The following FBH1 variants were observed in gnomAD, a reference collection of about 807,000 sequenced individuals.
FBH1 encodes F-box DNA helicase 1.
A neutral mutation model predicts 115.5 loss-of-function variants in FBH1; 43 were observed. The ratio of observed to expected loss-of-function variants is 0.37; its 90% CI spans 0.29 to 0.48. The LOEUF (loss-of-function observed/expected upper bound fraction) is 0.48. Ranked by LOEUF, FBH1 falls within the 20% of genes least tolerant of loss-of-function variation. FBH1 has a pLI of 0.99. For synonymous variants in FBH1, 524 were observed against 507.8 expected (o/e 1.03, Z -0.43); for missense variants, 1,001 against 1,337.3 (o/e 0.75, Z 3.92).
In FBH1 at chr10:5,936,331, G is replaced by A. The variant is rs547950479; in HGVS notation, c.2830-125G>A. On this transcript the variant is annotated intron_variant, in intron 19 of 20. Coordinates refer to ENST00000362091, the MANE Select transcript of FBH1 (RefSeq NM_178150.3). The surrounding 1 kb of genome is among the most constrained non-coding windows in gnomAD (Gnocchi z 5.6). ...GAAGTAAGGGAGAACGGGTTAGGCGGGGTTTTTCTCTCTGGGACTTACAGT... is the reference window on the plus strand; with the variant it reads ...GAAGTAAGGGAGAACGGGTTAGGCGAGGTTTTTCTCTCTGGGACTTACAGT... The A allele has an allele frequency of 3.8e-5, 41 of 1,088,760 alleles. No homozygotes were observed. In the South Asian group the frequency reaches 5.7e-4, roughly 15 times the overall value. The allele number at this position is 1,088,760 out of a possible 1,614,324, so 67.4% of individuals were successfully genotyped here.
chr10:5,925,267 A>C lies in FBH1; in HGVS notation c.2597-100A>C. 1 of 1,455,142 alleles carries C rather than the reference A, an allele frequency of 6.9e-7. No individual in the cohort carries two copies. Among genetic ancestry groups the C allele is most frequent in the South Asian group, 1.3e-5 (1 of 76,340 alleles). The allele number at this position is 1,455,142 out of a possible 1,614,324, so 90.1% of individuals were successfully genotyped here. ...CTACAAAACTGCACTGAGGCAAGAA[A>C]TGTTCGAGTTCAGAGTCAAGTGGGA... On this transcript the variant is annotated intron_variant, in intron 17 of 20. Coordinates refer to ENST00000362091, the MANE Select transcript of FBH1 (RefSeq NM_178150.3). This position sits in a 1 kb window ranked among gnomAD's most constrained non-coding sequence, Gnocchi z 4.6.
chr10:5,899,857 TTTG>T (rs1007608008), intron 1 of FBH1, among the ~76,000 whole-genome samples: 4 of 152,382 alleles, frequency 2.6e-5, no homozygotes, highest in Admixed American at 2.6e-4. Flanking sequence ...ACAACAAGAC[TTTG>T]TTTTCTTTCC....
At chr10:5,919,704 C>T (rs962026149) in intron 13 of FBH1, among the ~76,000 whole-genome samples, 2 of 152,196 alleles carry the variant, frequency 1.3e-5, no homozygotes, top group Non-Finnish European at 2.9e-5. Flanking sequence ...AAAGTATCAA[C>T]TGTGCTGTGT....
intron 19 of FBH1, chr10:5,929,986 G>A (rs1262568695): frequency 6.6e-6 from 1 of 152,166 alleles, no homozygotes; most frequent in Non-Finnish European, 1.5e-5. Flanking sequence ...TCAATTGGTA[G>A]AACTGTGCAG....
Position 5,936,855 on chromosome 10 carries a change from A to G in FBH1, c.2962-255A>G. 5.1e-6 allele frequency: 3 copies of G among 589,926 alleles called. No individual in the cohort carries two copies. The highest frequency in any genetic ancestry group is 8.8e-6 in the Non-Finnish European group (3 of 339,596). 36.5% of individuals were successfully genotyped at this position (589,926 alleles called of 1,614,324 possible). On this transcript the variant is annotated intron_variant, in intron 20 of 20. Coordinates refer to ENST00000362091, the MANE Select transcript of FBH1 (RefSeq NM_178150.3). The surrounding 1 kb of genome is among the most constrained non-coding windows in gnomAD (Gnocchi z 5.6). ...AGAGAGAGCTGTTCCCTGGGGTCCC[A>G]GCGCAGCTTTTCTTGGTTCTTTATC...
At chr10:5,920,412 A>G (rs1359935395) in intron 13 of FBH1, among the ~76,000 whole-genome samples, 1 of 152,088 alleles carries the variant, frequency 6.6e-6, no homozygotes, top group Non-Finnish European at 1.5e-5. Context: ...TCCTTACTGG[A>G]TGCTTTGGAA....
In FBH1 at chr10:5,917,733, T is replaced by TA; in HGVS notation, c.1963+58dup. ...AAATACGTAGAAACAGCGCCATGAT[T>TA]ATGTAAGAGGACACCTGTGTGAACT... On this transcript the variant is annotated intron_variant, in intron 12 of 20. Transcript: ENST00000362091. The surrounding 1 kb of genome is among the most constrained non-coding windows in gnomAD (Gnocchi z 5.6). 1 of 1,310,480 alleles carries TA rather than the reference T, an allele frequency of 7.6e-7. No individual in the cohort carries two copies. The highest frequency in any genetic ancestry group is 1.4e-5 in the African/African-American group (1 of 69,306). 81.2% of individuals were successfully genotyped at this position (1,310,480 alleles called of 1,614,324 possible).
intron 13 of FBH1, among the ~76,000 whole-genome samples, chr10:5,919,354 C>T (rs1832173905): frequency 6.6e-6 from 1 of 152,012 alleles, no homozygotes. Context: ...GGTGTGGTGG[C>T]TCCCGCCTGT....
At chr10:5,901,377 T>A (rs621628) in intron 1 of FBH1, among the ~76,000 whole-genome samples, 1 of 151,434 alleles carries the variant, frequency 6.6e-6, no homozygotes, top group Non-Finnish European at 1.5e-5. Flanking sequence ...AGGCTGGTCT[T>A]GAACTCCTGA....
chr10:5,920,451 A>G (rs1301548137), intron 13 of FBH1, among the ~76,000 whole-genome samples: 1 of 152,222 alleles, frequency 6.6e-6, no homozygotes, highest in African/African-American at 2.4e-5. Context: ...TCCACACTCA[A>G]GGAGTAAGTG....
At chr10:5,930,519 C>G (rs527612238) in intron 19 of FBH1, among the ~76,000 whole-genome samples, 2 of 152,184 alleles carry the variant, frequency 1.3e-5, no homozygotes, top group Non-Finnish European at 2.9e-5. Context: ...AGGCTTGATT[C>G]GATTCAAGCC....
At chr10:5,907,871 T>C (rs1230623141) in intron 3 of FBH1, among the ~76,000 whole-genome samples, 1 of 152,234 alleles carries the variant, frequency 6.6e-6, no homozygotes, top group Non-Finnish European at 1.5e-5. Flanking sequence ...AAAAAGATAC[T>C]TCATATAATA....
intron 1 of FBH1, among the ~76,000 whole-genome samples, chr10:5,899,663 A>G (rs1203740908): frequency 6.6e-6 from 1 of 152,232 alleles, no homozygotes; most frequent in African/African-American, 2.4e-5. Flanking sequence ...GCTGTTGAGC[A>G]TTGTGTGGGG....
chr10:5,901,603 C>T (rs1223500871), intron 1 of FBH1, among the ~76,000 whole-genome samples: 40 of 137,238 alleles, frequency 2.9e-4, no homozygotes, highest in South Asian at 9.2e-4. Flanking sequence ...GTTGTACTCT[C>T]GTCCAGGCTG....
rs2131848292 is a variant in FBH1 at position 5,897,784 on chromosome 10, A to G, written c.2-5236A>G. On this transcript the variant is annotated intron_variant, in intron 1 of 20. Transcript: ENST00000362091. This position sits in a 1 kb window ranked among gnomAD's most constrained non-coding sequence, Gnocchi z 4.7. ...CCTTGAAGCAGAACACAGTGTTCCA[A>G]CACTCCCATTAGCACTTTCTGTTAC... Among the ~76,000 whole-genome samples, 1 of 152,348 alleles carries G rather than the reference A, an allele frequency of 6.6e-6. No homozygotes were observed. The highest frequency in any genetic ancestry group is 1.5e-5 in the Non-Finnish European group (1 of 68,030).
chr10:5,925,165 T>G lies in FBH1; in HGVS notation c.2597-202T>G. On this transcript the variant is annotated intron_variant, in intron 17 of 20. Transcript: ENST00000362091. The surrounding 1 kb of genome is among the most constrained non-coding windows in gnomAD (Gnocchi z 4.6). ...ACTCTCCTGCAACTAATTTTCGACTTTTCCCCTCGTCTTTTTCTTTTTTCT... is the reference window on the plus strand; with the variant it reads ...ACTCTCCTGCAACTAATTTTCGACTGTTCCCCTCGTCTTTTTCTTTTTTCT... 1.6e-6 allele frequency: 1 copy of G among 625,272 alleles called. No individual in the cohort carries two copies. The allele number at this position is 625,272 out of a possible 1,614,324, so 38.7% of individuals were successfully genotyped here.
rs7085189 is a variant in FBH1 at position 5,894,148 on chromosome 10, G to A, written c.1+3802G>A. ...GCAGGCTGTGGTAGCCTGGCTCTGC[G>A]TCAGTGAATACCTGGGAAAGGAGCT... On this transcript the variant is annotated intron_variant, in intron 1 of 20. Transcript: ENST00000362091. 8.4e-3 allele frequency: 8,320 copies of A among 985,336 alleles called. 484 individuals carry two copies. In the African/African-American group the frequency reaches 0.13, roughly 15 times the overall value. 61.0% of individuals were successfully genotyped at this position (985,336 alleles called of 1,614,324 possible). A position where few individuals can be genotyped will look rare whatever the true frequency, so the allele number is the denominator to read the frequency against.
At position 5,910,460 on chromosome 10, in the gene FBH1, G is replaced by A. The variant is rs764103125; in HGVS notation, c.1021-478G>A. Among the ~76,000 whole-genome samples the A allele has an allele frequency of 2.6e-5, 4 of 152,078 alleles. No individual in the cohort carries two copies. The highest frequency in any genetic ancestry group is 4.4e-5 in the Non-Finnish European group (3 of 68,016). ...TAATAATAAATAGCAAGTTAACACC[G>A]TCATGCTGGAGAACTGCCAGATTTT... On this transcript the variant is annotated intron_variant, in intron 5 of 20. Coordinates refer to ENST00000362091, the MANE Select transcript of FBH1 (RefSeq NM_178150.3). The surrounding 1 kb of genome is among the most constrained non-coding windows in gnomAD (Gnocchi z 4.8).
chr10:5,902,153 G>A (rs1278763133), intron 1 of FBH1, among the ~76,000 whole-genome samples: 6 of 152,102 alleles, frequency 3.9e-5, no homozygotes, highest in Non-Finnish European at 1.5e-5. Context: ...TGGGGGCTGG[G>A]GGAGTCGCTC....
Sources: allele counts gnomAD v4.1 joint callset (sites outside exome capture counted in the v4.1 genomes callset), GRCh38; gene constraint gnomAD v4.1.1; non-coding constraint Gnocchi (gnomAD v3.1); transcripts MANE v1.5; gene names NCBI Gene and HGNC (gene_info 2026-07-23, HGNC 2026-07-21).